Variants in GRIP2 observed in about 807,000 individuals in gnomAD.
The protein encoded by GRIP2 is glutamate receptor-interacting protein 2.
In GRIP2, 58 loss-of-function variants were observed where a neutral mutation model predicts 108.3. The ratio of observed to expected loss-of-function variants is 0.54; its 90% confidence interval spans 0.43 to 0.67. GRIP2 has a LOEUF of 0.67. GRIP2 is among the 30% of genes least tolerant of loss of function. The pLI is 0.00. For synonymous variants in GRIP2, 586 were observed against 598.2 expected, an observed-to-expected ratio of 0.98 and a Z score of 0.30; for missense variants, 1,278 against 1,430.6, an observed-to-expected ratio of 0.89 and a Z score of 1.72.
At chr3:14,559,595 C>T (rs1180363562), upstream of GRIP2, among the ~76,000 whole-genome samples, 1 of 152,150 alleles carries the variant, frequency 6.6e-6, no homozygotes, top group African/African-American at 2.4e-5. Flanking sequence ...TGTGTCACCT[C>T]TGTCTTGGGG....
chr3:14,526,584 T>G (rs1694560250), intron 1 of GRIP2, among the ~76,000 whole-genome samples: 1 of 152,186 alleles, frequency 6.6e-6, no homozygotes, highest in South Asian at 2.1e-4. Context: ...TCCCTTGTGT[T>G]TCTTCAAATG....
chr3:14,528,190 A>T (rs1252843771), intron 1 of GRIP2, among the ~76,000 whole-genome samples: 1 of 152,230 alleles, frequency 6.6e-6, no homozygotes, highest in African/African-American at 2.4e-5. Context: ...AGTTTCTTAC[A>T]TTTAGCATAA....
rs1693909452 is a variant in GRIP2 at position 14,505,787 on chromosome 3, A to AGGGCCTCTCT, written c.2400_2401insAGAGAGGCCC (p.Ser801ArgfsTer44). The AGGGCCTCTCT allele has an allele frequency of 6.6e-7, 1 of 1,522,378 alleles. No homozygotes were observed. Among genetic ancestry groups the AGGGCCTCTCT allele is most frequent in the Non-Finnish European group, 8.8e-7 (1 of 1,136,830 alleles). The allele number at this position is 1,522,378 out of a possible 1,614,324, so 94.3% of individuals were successfully genotyped here. ...CGGGCTGCTGCCTGTGGTGTATAGGACCCTGGTGGTGGAGAGAGGGCCTCT... is the reference window on the plus strand; with the variant it reads ...CGGGCTGCTGCCTGTGGTGTATAGGAGGGCCTCTCTCCCTGGTGGTGGAGAGAGGGCCTCT... On this transcript the variant is annotated frameshift_variant and splice_region_variant, in exon 20 of 24. Transcript: ENST00000621039. LOFTEE classifies it high-confidence loss of function. This position sits in a 1 kb window ranked among gnomAD's most constrained non-coding sequence, Gnocchi z 4.2.
At chr3:14,528,920 G>A (rs374718025) in intron 1 of GRIP2, among the ~76,000 whole-genome samples, 2 of 152,098 alleles carry the variant, frequency 1.3e-5, no homozygotes, top group African/African-American at 4.8e-5. Context: ...ATTGTCAGAT[G>A]TAATAATGTG....
rs1264273002 is a variant in GRIP2 at position 14,521,652 on chromosome 3, C to T, written c.702G>A (p.Val234=). The T allele has an allele frequency of 2.5e-6, 4 of 1,609,440 alleles. No individual in the cohort carries two copies. The African/African-American group carries it at 4.0e-5, about 16-fold the overall frequency. ...HEALFQVEYD[V]ATPDTVANAS... is the part of the protein sequence containing the mutation. Reference sequence around the variant, plus strand: ...AGGCCCCCAACTCACCAGGGGTGGCCACATCATACTCCACCTGAAAGAGTG... The same window carrying T: ...AGGCCCCCAACTCACCAGGGGTGGCTACATCATACTCCACCTGAAAGAGTG... The change falls in exon 7 of 24, where the codon GTG becomes GTA. Residue 234 remains valine, a synonymous_variant. Coordinates refer to ENST00000621039, the MANE Select transcript of GRIP2 (RefSeq NM_001080423.4). The surrounding 1 kb of genome is among the most constrained non-coding windows in gnomAD (Gnocchi z 5.1).
At chr3:14,594,529 T>G in the GRIP2 span, among the ~76,000 whole-genome samples, 2 of 152,186 alleles carry the variant, frequency 1.3e-5, no homozygotes, top group African/African-American at 4.8e-5. Flanking sequence ...AGACTCAGTC[T>G]CTTGGGATCA....
the GRIP2 span, among the ~76,000 whole-genome samples, chr3:14,579,807 A>G: frequency 2.0e-5 from 3 of 152,334 alleles, no homozygotes. Context: ...TCCAGTATCC[A>G]TTGACCACGA....
the GRIP2 span, among the ~76,000 whole-genome samples, chr3:14,572,108 C>G: frequency 6.6e-6 from 1 of 152,150 alleles, no homozygotes; most frequent in South Asian, 2.1e-4. Context: ...ATATACTCAA[C>G]AGAAATGTGT....
intron 1 of GRIP2, among the ~76,000 whole-genome samples, chr3:14,535,363 C>A (rs1694810634): frequency 6.6e-6 from 1 of 152,194 alleles, no homozygotes; most frequent in African/African-American, 2.4e-5. Flanking sequence ...AATGGGGGTA[C>A]TGGTGCCCAC....
chr3:14,523,649 G>A lies in GRIP2; in HGVS notation c.453C>T (p.Leu151=), dbSNP rs1422294445. The stretch of plus-strand genomic sequence containing the variant: ...AGCCAAAGCTATTGCCCTCCTTGTA[G>A]AGGGAGACGTCCACTGTCTTTGAAA... The part of the protein sequence containing the change: ...RIISKTVDVS[L]YKEGNSFGFV... The change falls in exon 5 of 24, where the codon CTC becomes CTT. Residue 151 remains leucine (L), a synonymous_variant. Transcript: ENST00000621039. The A allele has an allele frequency of 1.9e-6, 3 of 1,612,448 alleles. No homozygotes were observed. Among genetic ancestry groups the A allele is most frequent in the South Asian group, 1.1e-5 (1 of 90,462 alleles).
chr3:14,563,333 T>C, the GRIP2 span, among the ~76,000 whole-genome samples: 2 of 152,192 alleles, frequency 1.3e-5, no homozygotes, highest in Admixed American at 6.5e-5. Flanking sequence ...TTCTGTGTTA[T>C]ATGTGCCATT....
At chr3:14,517,020 G>T in intron 11 of GRIP2, 44 bp downstream of exon 11, 2 of 1,451,712 alleles carry the variant, frequency 1.4e-6, no homozygotes, top group South Asian at 3.0e-5. Flanking sequence ...CTCACTCTCA[G>T]ACATACAAGC....
At chr3:14,596,366 A>G in the GRIP2 span, among the ~76,000 whole-genome samples, 9 of 152,318 alleles carry the variant, frequency 5.9e-5, no homozygotes, top group East Asian at 1.5e-3. Flanking sequence ...GGTGGTTAAC[A>G]TTTTTAAAAT....
the GRIP2 span, among the ~76,000 whole-genome samples, chr3:14,590,118 A>G: frequency 6.6e-6 from 1 of 152,172 alleles, no homozygotes; most frequent in African/African-American, 2.4e-5. Flanking sequence ...AAAATTTCCC[A>G]TTAAAATTGA....
the GRIP2 span, among the ~76,000 whole-genome samples, chr3:14,568,673 A>G: frequency 2.6e-5 from 4 of 152,194 alleles, no homozygotes; most frequent in Non-Finnish European, 5.9e-5. Flanking sequence ...AAAACTGGGA[A>G]GGGGTCCAGA....
At chr3:14,602,310 G>GCGGCAGGGGCAGGC in the GRIP2 span, 1 of 216 alleles carries the variant, frequency 4.6e-3, no homozygotes, top group African/African-American at 0.036. The surrounding 1 kb of genome is among the most constrained non-coding windows in gnomAD (Gnocchi z 4.7). Flanking sequence ...CCGCAGCGCT[G>GCGGCAGGGGCAGGC]CTGTGCAGGG....
rs535198928 is a variant in GRIP2 at position 14,535,831 on chromosome 3, G to C, written c.40+4438C>G. 3.2e-4 allele frequency among the ~76,000 whole-genome samples: 48 copies of C among 152,312 alleles called. 3 individuals carry two copies. The South Asian group carries it at 9.3e-3, about 30-fold the overall frequency. On this transcript the variant is annotated intron_variant, in intron 1 of 23. Transcript: ENST00000621039. ...CCCCATCCATGCAAGCCTGGAAGTT[G>C]CTGTAATGCCTGCAGCCCCGGGGCT... is the stretch of plus-strand genomic sequence containing the variant.
chr3:14,560,364 C>A (rs1170719129), upstream of GRIP2, among the ~76,000 whole-genome samples: 1 of 152,218 alleles, frequency 6.6e-6, no homozygotes, highest in Non-Finnish European at 1.5e-5. Flanking sequence ...ACTTCTATCC[C>A]CTTTTCTCCC....
chr3:14,582,364 C>T, the GRIP2 span, among the ~76,000 whole-genome samples: 35 of 152,278 alleles, frequency 2.3e-4, no homozygotes, highest in East Asian at 7.7e-4. Flanking sequence ...GTGTTAAATA[C>T]GGCTGCAAGG....
Sources: gnomAD v4.1 joint callset for allele counts (sites outside exome capture counted in the v4.1 genomes callset) on GRCh38, gnomAD v4.1.1 for gene constraint, Gnocchi (gnomAD v3.1) non-coding constraint, MANE v1.5 for transcripts, NCBI Gene and HGNC (gene_info 2026-07-23, HGNC 2026-07-21) for gene names.